Variants in TMEM179 observed in about 807,000 individuals in gnomAD.
TMEM179 encodes the protein transmembrane protein 179.
A neutral mutation model predicts 22.2 loss-of-function variants in TMEM179; 17 were observed. The ratio of observed to expected loss-of-function variants is 0.77; its 90% CI spans 0.52 to 1.15. The LOEUF is 1.15. Ranked by LOEUF, TMEM179 falls within the 50% of genes most tolerant of loss-of-function variation. The pLI is 0.00. For missense variants in TMEM179, 265 were observed against 313.6 expected (o/e 0.84, Z 1.17); for synonymous variants, 127 against 140.5 (o/e 0.90, Z 0.68).
rs1341473029 is a variant in TMEM179, at chr14:104,593,353, G to C, written c.*126C>G. 5 of 1,200,546 alleles carry C rather than the reference G, an allele frequency of 4.2e-6. No individual in the cohort carries two copies. The highest frequency in any genetic ancestry group is 5.8e-6 in the Non-Finnish European group (5 of 857,170). The allele number at this position is 1,200,546 out of a possible 1,614,324, so 74.4% of individuals were successfully genotyped here. On this transcript the variant is annotated 3_prime_UTR_variant, in exon 4 of 4. Transcript: ENST00000556573. ...CTCACCTCACTACACGTGGCGTCGA[G>C]GGGACACACGCAGGGCTGCATGTGG... is the stretch of plus-strand genomic sequence containing the variant.
Position 104,595,158 on chromosome 14 carries a change from C to G in TMEM179, c.522+7G>C, listed in dbSNP as rs1412565053. The stretch of plus-strand genomic sequence containing the variant: ...GCAAGCCTCCCTTCTTGCCCAGAGC[C>G]CCCTACCTGGGCAATTGCAAACTGA... On this transcript the variant is annotated splice_region_variant and intron_variant, in intron 3 of 3. Coordinates refer to ENST00000556573, the MANE Select transcript of TMEM179 (RefSeq NM_001286389.2). This position sits in a 1 kb window ranked among gnomAD's most constrained non-coding sequence, Gnocchi z 5.7. The G allele has an allele frequency of 6.2e-7, 1 of 1,613,814 alleles. No individual in the cohort carries two copies. Among genetic ancestry groups the G allele is most frequent in the South Asian group, 1.1e-5 (1 of 91,048 alleles).
In TMEM179 at chr14:104,595,129, C is replaced by T. The variant is rs1224531525; in HGVS notation, c.522+36G>A. On this transcript the variant is annotated intron_variant, in intron 3 of 3. Coordinates refer to ENST00000556573, the MANE Select transcript of TMEM179 (RefSeq NM_001286389.2). The surrounding 1 kb of genome is among the most constrained non-coding windows in gnomAD (Gnocchi z 5.7). ...CCAGCAGTAAATGGCCCCCTCCCAG[C>T]ATTGCAAGCCTCCCTTCTTGCCCAG... is the stretch of plus-strand genomic sequence containing the variant. The T allele has an allele frequency of 1.9e-6, 3 of 1,613,208 alleles. No individual in the cohort carries two copies. The highest frequency in any genetic ancestry group is 2.5e-6 in the Non-Finnish European group (3 of 1,179,754).
chr14:104,594,372 C>T, intron 3 of TMEM179: 2 of 1,231,788 alleles, frequency 1.6e-6, no homozygotes, highest in Non-Finnish European at 1.0e-6. Flanking sequence ...CCTTCAGAGG[C>T]CAGCCTGGGG....
chr14:104,595,221 C>G lies in TMEM179; in HGVS notation c.466G>C (p.Asp156His), dbSNP rs777411509. The G allele has an allele frequency of 1.9e-6, 3 of 1,613,428 alleles. No individual in the cohort carries two copies. Among genetic ancestry groups the G allele is most frequent in the South Asian group, 1.1e-5 (1 of 90,986 alleles). Residue 156 changes from aspartate (D) to histidine (H), a missense_variant, in exon 3 of 4, where the codon GAC becomes CAC. Transcript: ENST00000556573. This position sits in a 1 kb window ranked among gnomAD's most constrained non-coding sequence, Gnocchi z 5.7. ...GAGTTGTCCACGCCCAGCTCCAAGT[C>G]GATGTCCTGGAGCTCTTCACAGCTA... ...PHSCEELQDI[D>H]LELGVDNSAF...
chr14:104,595,206 C>G lies in TMEM179; in HGVS notation c.481G>C (p.Val161Leu). Residue 161 changes from valine (V) to leucine (L), a missense_variant, in exon 3 of 4, where the codon GTG (valine) becomes CTG (leucine). By Grantham distance (32) the Val-to-Leu change is conservative. Coordinates refer to ENST00000556573, the MANE Select transcript of TMEM179 (RefSeq NM_001286389.2). This position sits in a 1 kb window ranked among gnomAD's most constrained non-coding sequence, Gnocchi z 5.7. ...ELQDIDLELG[V>L]DNSAFYDQFA... ...TGATCGTAGAAGGCGGAGTTGTCCA[C>G]GCCCAGCTCCAAGTCGATGTCCTGG... is the stretch of plus-strand genomic sequence containing the variant. 6.2e-7 allele frequency: 1 copy of G among 1,613,618 alleles called. No homozygotes were observed. The highest frequency in any genetic ancestry group is 8.5e-7 in the Non-Finnish European group (1 of 1,179,924).
At chr14:104,600,163 G>A (rs1162318840) in intron 1 of TMEM179, among the ~76,000 whole-genome samples, 6 of 152,334 alleles carry the variant, frequency 3.9e-5, no homozygotes, top group East Asian at 1.9e-4. Context: ...TGTCCAGGTC[G>A]TTGAAGAATT....
At position 104,591,371 on chromosome 14, in the gene TMEM179, A is replaced by G. The variant is rs894338284; in HGVS notation, c.*2108T>C. The G allele has an allele frequency of 8.8e-6, 4 of 455,838 alleles. No individual in the cohort carries two copies. Among genetic ancestry groups the G allele is most frequent in the Non-Finnish European group, 1.8e-5 (4 of 226,766 alleles). 28.2% of individuals were successfully genotyped at this position (455,838 alleles called of 1,614,324 possible). On this transcript the variant is annotated 3_prime_UTR_variant, in exon 4 of 4. Coordinates refer to ENST00000556573, the MANE Select transcript of TMEM179 (RefSeq NM_001286389.2). ...AGGGCTGGGCAGAGGGTGAGGCAGG[A>G]GCCACCCCACCTTCTGCTGGGGACA...
rs61670091 is a variant in TMEM179 at position 104,592,216 on chromosome 14, G to A, written c.*1263C>T. ...CACACGCACATTCACATGCACTTAC[G>A]CACATGCTGCACACACTGCAGACAC... On this transcript the variant is annotated 3_prime_UTR_variant, in exon 4 of 4. Transcript: ENST00000556573. 232 of 153,980 alleles carry A rather than the reference G, an allele frequency of 1.5e-3. 2 individuals carry two copies. In the East Asian group the frequency reaches 0.024, roughly 16 times the overall value. 9.5% of individuals were successfully genotyped at this position (153,980 alleles called of 1,614,324 possible).
intron 3 of TMEM179, chr14:104,594,674 G>C: frequency 8.3e-7 from 1 of 1,202,896 alleles, no homozygotes; most frequent in Non-Finnish European, 1.0e-6. Context: ...ACAAGGGCAG[G>C]GTGGCAAATC....
intron 3 of TMEM179, chr14:104,594,295 T>TTCA: frequency 2.4e-6 from 3 of 1,231,510 alleles, no homozygotes; most frequent in Non-Finnish European, 3.0e-6. Context: ...GGCCCACCCA[T>TTCA]GTCCAGCACC....
chr14:104,596,697 G>C (rs923303213), intron 2 of TMEM179, among the ~76,000 whole-genome samples: 3 of 152,184 alleles, frequency 2.0e-5, no homozygotes, highest in African/African-American at 7.2e-5. Context: ...AGGGCAGCCA[G>C]AGTCCCTGAC....
intron 1 of TMEM179, among the ~76,000 whole-genome samples, chr14:104,599,549 G>A (rs1362451256): frequency 6.6e-6 from 1 of 152,238 alleles, no homozygotes; most frequent in African/African-American, 2.4e-5. Context: ...TGAGGACACA[G>A]TTCTGAACCC....
intron 1 of TMEM179, among the ~76,000 whole-genome samples, chr14:104,598,945 G>A (rs1475287498): frequency 6.6e-6 from 1 of 152,220 alleles, no homozygotes; most frequent in Non-Finnish European, 1.5e-5. Flanking sequence ...GGGGGTGACC[G>A]AGCCTCTGCC....
rs1887339383 is a variant in TMEM179 at position 104,604,202 on chromosome 14, C to G, written c.305+235G>C. Reference sequence around the variant, plus strand: ...ATGCCCGGAAGCGGGAGGTGATGCGCAGCTGGGGAGGGGAGGCACTGGCCT... The same window carrying G: ...ATGCCCGGAAGCGGGAGGTGATGCGGAGCTGGGGAGGGGAGGCACTGGCCT... On this transcript the variant is annotated intron_variant, in intron 1 of 3. Transcript: ENST00000556573. The surrounding 1 kb of genome is among the most constrained non-coding windows in gnomAD (Gnocchi z 4.6). Among the ~76,000 whole-genome samples, 1 of 152,212 alleles carries G rather than the reference C, an allele frequency of 6.6e-6. No homozygotes were observed. The highest frequency in any genetic ancestry group is 2.1e-4 in the South Asian group (1 of 4,828).
chr14:104,600,415 G>T (rs897938942), intron 1 of TMEM179, among the ~76,000 whole-genome samples: 3 of 152,218 alleles, frequency 2.0e-5, no homozygotes, highest in South Asian at 2.1e-4. Flanking sequence ...GCAGGCAGAT[G>T]AGTTTAACGC....
At chr14:104,594,321 G>C (rs1886944897) in intron 3 of TMEM179, 1 of 1,231,098 alleles carries the variant, frequency 8.1e-7, no homozygotes, top group Non-Finnish European at 1.0e-6. Flanking sequence ...AGGGCTCCTG[G>C]CCAGGAGAAG....
Position 104,593,661 on chromosome 14 carries a change from G to A in TMEM179, c.523-3C>T. On this transcript the variant is annotated splice_region_variant and splice_polypyrimidine_tract_variant and intron_variant, in intron 3 of 3. Coordinates refer to ENST00000556573, the MANE Select transcript of TMEM179 (RefSeq NM_001286389.2). ...AGCCATGAGGCCCAGAGGCCAAACT[G>A]CACAGAGGGCAGGGTCAGGGTCAGA... 6.8e-7 allele frequency: 1 copy of A among 1,466,880 alleles called. No individual in the cohort carries two copies. The highest frequency in any genetic ancestry group is 1.8e-4 in the Middle Eastern group (1 of 5,596). The allele number at this position is 1,466,880 out of a possible 1,614,324, so 90.9% of individuals were successfully genotyped here.
intron 1 of TMEM179, among the ~76,000 whole-genome samples, chr14:104,603,661 TTCACAGAGGGAGTGGGTGGGC>T (rs1384130106): frequency 1.3e-3 from 183 of 143,612 alleles, no homozygotes; most frequent in Admixed American, 3.4e-3. Flanking sequence ...AGAGGGTGGG[TTCACAGAGGGAGTGGGTGGGC>T]TCACAGAGGG....
chr14:104,594,035 C>T (rs974775230), intron 3 of TMEM179: 23 of 1,226,862 alleles, frequency 1.9e-5, no homozygotes, highest in South Asian at 4.2e-5. Context: ...GGGTAAACAG[C>T]GGAGGCTCCT....
Sources: gnomAD v4.1 joint callset for allele counts (sites outside exome capture counted in the v4.1 genomes callset) on GRCh38, gnomAD v4.1.1 for gene constraint, Gnocchi (gnomAD v3.1) non-coding constraint, MANE v1.5 for transcripts, NCBI Gene and HGNC (gene_info 2026-07-23, HGNC 2026-07-21) for gene names.